The following FRAS1 variants were observed in gnomAD, a reference collection of about 807,000 sequenced individuals.
FRAS1 encodes extracellular matrix organizing protein FRAS1.
In FRAS1, 290 loss-of-function variants were observed where a neutral mutation model predicts 435.2. That is an observed-to-expected ratio of 0.67 (90% CI 0.61 to 0.73). FRAS1 has a LOEUF of 0.73. Among genes scored for constraint, FRAS1 ranks in the 30% least tolerant of loss-of-function variants. The pLI, the probability that FRAS1 is intolerant of heterozygous loss-of-function variation, is 0.00. For missense variants in FRAS1, 4,860 were observed against 5,001.5 expected (o/e 0.97, Z 0.85); for synonymous variants, 1,800 against 1,851.0 (o/e 0.97, Z 0.71).
rs111885097 is a variant in FRAS1, at chr4:78,180,989, G to A, written c.109-56521G>A. ...CATGTCCACCTTGTCCTCCCCTGCCGCCACGTCCTGGGCGGCCAAGGTCTC... is the reference window on the plus strand; with the variant it reads ...CATGTCCACCTTGTCCTCCCCTGCCACCACGTCCTGGGCGGCCAAGGTCTC... On this transcript the variant is annotated intron_variant, in intron 2 of 73. Coordinates refer to ENST00000512123, the MANE Select transcript of FRAS1 (RefSeq NM_025074.7). The A allele has an allele frequency of 2.6e-3, 4,249 of 1,610,316 alleles. 109 individuals carry two copies. In the African/African-American group the frequency reaches 0.049, roughly 19 times the overall value.
At chr4:78,238,572 T>C (rs1184644440) in intron 3 of FRAS1, among the ~76,000 whole-genome samples, 1 of 152,108 alleles carries the variant, frequency 6.6e-6, no homozygotes, top group African/African-American at 2.4e-5. Flanking sequence ...CCTTCATTTC[T>C]GCATGAGTGT....
At chr4:78,374,838 C>T (rs1452515309) in intron 25 of FRAS1, among the ~76,000 whole-genome samples, 1 of 152,166 alleles carries the variant, frequency 6.6e-6, no homozygotes, top group Non-Finnish European at 1.5e-5. Flanking sequence ...ATTAACCCGG[C>T]ATAGCATTTA....
chr4:78,479,000 GA>G (rs754014179), intron 55 of FRAS1, among the ~76,000 whole-genome samples: 2 of 152,224 alleles, frequency 1.3e-5, no homozygotes, highest in Non-Finnish European at 2.9e-5. Flanking sequence ...GAAAGGCAGT[GA>G]ACTGTGCTTA....
chr4:78,260,584 C>G lies in FRAS1; in HGVS notation c.604-4441C>G, dbSNP rs556903878. ...CTGAGACTTTGCTGAAGTTGCTTAT[C>G]AGCTTAAGGAGATTTTGGGCTGAGA... is the stretch of plus-strand genomic sequence containing the variant. On this transcript the variant is annotated intron_variant, in intron 6 of 73. Transcript: ENST00000512123. Among the ~76,000 whole-genome samples, 9 of 151,908 alleles carry G rather than the reference C, an allele frequency of 5.9e-5. No homozygotes were observed. The South Asian group carries it at 6.3e-4, about 11-fold the overall frequency.
Position 78,188,303 on chromosome 4 carries a change from A to G in FRAS1, c.109-49207A>G, listed in dbSNP as rs1201073238. On this transcript the variant is annotated intron_variant, in intron 2 of 73. Coordinates refer to ENST00000512123, the MANE Select transcript of FRAS1 (RefSeq NM_025074.7). ...TGTCTATCTATCTATCTATCTATCT[A>G]TCTATCTATCTATCTAATCTATCTA... 3.8e-4 allele frequency among the ~76,000 whole-genome samples: 4 copies of G among 10,402 alleles called. No individual in the cohort carries two copies. The Non-Finnish European group carries it at 0.029, about 74-fold the overall frequency. 6.8% of individuals were successfully genotyped at this position (10,402 alleles called of 152,430 possible). A position where few individuals can be genotyped will look rare whatever the true frequency, so the allele number is the denominator to read the frequency against.
intron 61 of FRAS1, among the ~76,000 whole-genome samples, chr4:78,501,287 G>C (rs957210609): frequency 6.6e-6 from 1 of 152,136 alleles, no homozygotes; most frequent in African/African-American, 2.4e-5. Flanking sequence ...CCCTGCAAAT[G>C]ACAAGAACTC....
chr4:78,246,502 C>G (rs968660601), intron 4 of FRAS1, among the ~76,000 whole-genome samples: 2 of 152,210 alleles, frequency 1.3e-5, no homozygotes, highest in Admixed American at 6.5e-5. Context: ...TGTCTTCAGA[C>G]CACGTATCAC....
At chr4:78,367,675 G>C (rs1017465670) in intron 22 of FRAS1, among the ~76,000 whole-genome samples, 2 of 151,870 alleles carry the variant, frequency 1.3e-5, no homozygotes, top group Non-Finnish European at 2.9e-5. Context: ...ATCTAAGCAG[G>C]TCTTCTTCAT....
intron 20 of FRAS1, among the ~76,000 whole-genome samples, 160 bp from the exon 21 acceptor site, chr4:78,363,353 T>C (rs1731150118): frequency 6.6e-6 from 1 of 152,186 alleles, no homozygotes; most frequent in Non-Finnish European, 1.5e-5. Context: ...TTTGTACAGG[T>C]CCCAAGCTTC....
At chr4:78,115,937 G>T (rs1743136854) in intron 2 of FRAS1, among the ~76,000 whole-genome samples, 1 of 151,984 alleles carries the variant, frequency 6.6e-6, no homozygotes, top group Non-Finnish European at 1.5e-5. Context: ...GTCAATTTTA[G>T]ATCTTTCCTG....
At chr4:78,316,705 T>A (rs1252541887) in intron 16 of FRAS1, among the ~76,000 whole-genome samples, 2 of 152,182 alleles carry the variant, frequency 1.3e-5, no homozygotes, top group Non-Finnish European at 2.9e-5. Context: ...CCTGACATTG[T>A]CATATGTTGT....
In FRAS1 at chr4:78,116,576, A is replaced by G. The variant is rs1743195438; in HGVS notation, c.108+50560A>G. Among the ~76,000 whole-genome samples the G allele has an allele frequency of 2.6e-5, 4 of 152,192 alleles. 1 individual carries two copies. In the South Asian group the frequency reaches 6.2e-4, roughly 24 times the overall value. ...TTCTTGTTGAATTGATCCCTTTACC[A>G]TTACGTAATGGCCTTCTTTGTCTCT... is the stretch of plus-strand genomic sequence containing the variant. On this transcript the variant is annotated intron_variant, in intron 2 of 73. Transcript: ENST00000512123.
intron 2 of FRAS1, among the ~76,000 whole-genome samples, chr4:78,153,872 A>AT (rs1720772757): frequency 6.6e-6 from 1 of 152,088 alleles, no homozygotes; most frequent in African/African-American, 2.4e-5. Flanking sequence ...TGATTTTAGC[A>AT]TTTATCCAGT....
chr4:78,526,761 A>G (rs1410372288), intron 70 of FRAS1, 104 bp downstream of exon 70: 3 of 713,524 alleles, frequency 4.2e-6, no homozygotes, highest in Admixed American at 3.3e-5. Context: ...TGGTGCTTTC[A>G]TAGTCATTCA....
At chr4:78,160,460 TTCC>T (rs1293064252) in intron 2 of FRAS1, among the ~76,000 whole-genome samples, 1 of 152,232 alleles carries the variant, frequency 6.6e-6, no homozygotes, top group Non-Finnish European at 1.5e-5. Context: ...TTAGCCTGTA[TTCC>T]CATCAACTGG....
intron 2 of FRAS1, among the ~76,000 whole-genome samples, chr4:78,191,018 G>A (rs757214778): frequency 3.7e-4 from 57 of 152,216 alleles, no homozygotes; most frequent in Non-Finnish European, 6.8e-4. Flanking sequence ...GTCTCCATAC[G>A]TGCACACTGA....
chr4:78,156,675 C>T (rs1261132254), intron 2 of FRAS1, among the ~76,000 whole-genome samples: 1 of 152,074 alleles, frequency 6.6e-6, no homozygotes, highest in African/African-American at 2.4e-5. Context: ...AAAATGACCT[C>T]TTTCTTGGGG....
At chr4:78,224,406 AT>A (rs2110099824) in intron 2 of FRAS1, among the ~76,000 whole-genome samples, 1 of 152,342 alleles carries the variant, frequency 6.6e-6, no homozygotes, top group African/African-American at 2.4e-5. Flanking sequence ...TCACATATAA[AT>A]ATACATACGT....
At chr4:78,100,138 A>G (rs1480042779) in intron 2 of FRAS1, among the ~76,000 whole-genome samples, 1 of 152,238 alleles carries the variant, frequency 6.6e-6, no homozygotes, top group Non-Finnish European at 1.5e-5. Context: ...TTAAAATTGG[A>G]AAGACTGCAG....
Sources: allele counts gnomAD v4.1 joint callset (sites outside exome capture counted in the v4.1 genomes callset), GRCh38; gene constraint gnomAD v4.1.1; transcripts MANE v1.5; gene names NCBI Gene and HGNC (gene_info 2026-07-23, HGNC 2026-07-21).